NVL: variants seen among roughly 807,000 people sequenced by gnomAD.
The protein encoded by NVL is nuclear valosin-containing protein-like.
In NVL, 84 loss-of-function variants were observed where a neutral mutation model predicts 110.2. The ratio of observed to expected loss-of-function variants is 0.76; its 90% CI spans 0.64 to 0.91. The LOEUF (loss-of-function observed/expected upper bound fraction) is 0.91. NVL is among the 40% of genes least tolerant of loss of function. The pLI is 0.00. For synonymous variants in NVL, 354 were observed against 361.1 expected (o/e 0.98, Z 0.22); for missense variants, 882 against 1,035.9 (o/e 0.85, Z 2.04).
chr1:224,299,772 T>C (rs1668218874), intron 10 of NVL, among the ~76,000 whole-genome samples: 1 of 152,190 alleles, frequency 6.6e-6, no homozygotes, highest in Non-Finnish European at 1.5e-5. Context: ...GCCCACAGCT[T>C]TTTCAACGTC....
chr1:224,246,754 G>C (rs116083449), intron 19 of NVL, among the ~76,000 whole-genome samples: 123 of 152,262 alleles, frequency 8.1e-4, no homozygotes, highest in African/African-American at 2.4e-3. Flanking sequence ...GAGCCAAGAA[G>C]GCCGGGCATG....
chr1:224,250,441 T>C, intron 18 of NVL, 123 bp from the exon 19 acceptor site: 1 of 818,634 alleles, frequency 1.2e-6, no homozygotes, highest in South Asian at 2.6e-5. Flanking sequence ...CTCAGCTCAC[T>C]GCAGCCTCGA....
chr1:224,296,471 C>T (rs1667895383), intron 11 of NVL, 30 bp downstream of exon 11: 1 of 1,176,058 alleles, frequency 8.5e-7, no homozygotes, highest in African/African-American at 1.6e-5. Context: ...AATTTATTCT[C>T]TTAAAATGAA....
At chr1:224,303,928 T>C in intron 8 of NVL, 71 bp from the exon 9 acceptor site, 1 of 1,498,718 alleles carries the variant, frequency 6.7e-7, no homozygotes, top group Non-Finnish European at 8.9e-7. Flanking sequence ...GTCCTATTTT[T>C]CGGAGCAGTG....
In NVL at chr1:224,227,395, A is replaced by C. The variant is rs527912898; in HGVS notation, c.*231T>G. ...AAAAATGTAACAGTCATTTTATTTC[A>C]GCAGTTTAAAAATTGTCCTTTTTCT... is the stretch of plus-strand genomic sequence containing the variant. On this transcript the variant is annotated 3_prime_UTR_variant, in exon 23 of 23. Coordinates refer to ENST00000281701, the MANE Select transcript of NVL (RefSeq NM_002533.4). 2 of 335,348 alleles carry C rather than the reference A, an allele frequency of 6.0e-6. No homozygotes were observed. Among genetic ancestry groups the C allele is most frequent in the Non-Finnish European group, 1.1e-5 (2 of 180,060 alleles). 20.8% of individuals were successfully genotyped at this position (335,348 alleles called of 1,614,324 possible).
chr1:224,285,002 G>T lies in NVL; in HGVS notation c.1899+1024C>A, dbSNP rs549428445. Among the ~76,000 whole-genome samples the T allele has an allele frequency of 8.0e-4, 122 of 152,040 alleles. No individual in the cohort carries two copies. The Middle Eastern group carries it at 0.01, about 13-fold the overall frequency. On this transcript the variant is annotated intron_variant, in intron 15 of 22. Transcript: ENST00000281701. ...TTTAAAGTAGTGTTGTTTCAATATG[G>T]GATCATTTCCATAAATTATAGAACA...
chr1:224,304,692 T>G (rs749912507), intron 8 of NVL, 44 bp downstream of exon 8: 2 of 1,453,260 alleles, frequency 1.4e-6, no homozygotes, highest in Non-Finnish European at 9.7e-7. Flanking sequence ...CATAACTGAT[T>G]AGTAATATAT....
At chr1:224,230,011 T>C (rs2102686534) in intron 22 of NVL, among the ~76,000 whole-genome samples, 1 of 152,210 alleles carries the variant, frequency 6.6e-6, no homozygotes, top group East Asian at 1.9e-4. Context: ...TTTAATTTTT[T>C]TGTAGAGACA....
chr1:224,322,367 A>G (rs757299438), intron 2 of NVL, among the ~76,000 whole-genome samples: 1 of 151,522 alleles, frequency 6.6e-6, no homozygotes, highest in Non-Finnish European at 1.5e-5. Context: ...TACAGGTGTG[A>G]GCCACTGTGC....
chr1:224,260,488 C>T (rs987218203), intron 18 of NVL, among the ~76,000 whole-genome samples: 4 of 151,886 alleles, frequency 2.6e-5, no homozygotes, highest in African/African-American at 7.3e-5. Flanking sequence ...GATCTCCTAA[C>T]CTCGTGATGT....
chr1:224,244,450 A>C (rs771746100), intron 19 of NVL, among the ~76,000 whole-genome samples: 1 of 152,128 alleles, frequency 6.6e-6, no homozygotes, highest in Non-Finnish European at 1.5e-5. Flanking sequence ...ACCAAATAAA[A>C]AATATAAAAA....
intron 6 of NVL, chr1:224,305,442 T>C (rs1045108124): frequency 1.5e-5 from 4 of 265,022 alleles, no homozygotes; most frequent in Admixed American, 5.2e-5. Context: ...ATGGCCCCTG[T>C]GCAAGGATGA....
At chr1:224,315,364 T>G (rs1017414527) in intron 4 of NVL, among the ~76,000 whole-genome samples, 1 of 152,130 alleles carries the variant, frequency 6.6e-6, no homozygotes, top group African/African-American at 2.4e-5. Flanking sequence ...ATGTAATTCA[T>G]CAAATTAATA....
intron 17 of NVL, among the ~76,000 whole-genome samples, chr1:224,269,340 C>T (rs1221132827): frequency 6.6e-6 from 1 of 152,184 alleles, no homozygotes; most frequent in Non-Finnish European, 1.5e-5. Flanking sequence ...CCTGCCTTGG[C>T]CTCCCAAAGT....
At chr1:224,257,012 C>G in intron 18 of NVL, 1 of 512,698 alleles carries the variant, frequency 2.0e-6, no homozygotes, top group Non-Finnish European at 4.1e-6. Context: ...GGTTCCCTAT[C>G]TAATTATGTC....
chr1:224,289,248 C>A, intron 13 of NVL: 1 of 463,324 alleles, frequency 2.2e-6, no homozygotes, highest in East Asian at 3.8e-5. Flanking sequence ...TCTGCCAACC[C>A]CATTCCAGAA....
At chr1:224,294,488 G>A in intron 11 of NVL, 77 bp from the exon 12 acceptor site, 6 of 1,460,514 alleles carry the variant, frequency 4.1e-6, no homozygotes, top group South Asian at 1.2e-5. Flanking sequence ...ATCATTTCAT[G>A]GTTAAAGATA....
chr1:224,294,073 T>A (rs1037570172), intron 12 of NVL, among the ~76,000 whole-genome samples, 194 bp downstream of exon 12: 2 of 152,232 alleles, frequency 1.3e-5, no homozygotes, highest in Non-Finnish European at 2.9e-5. Flanking sequence ...GTGTTGGGAT[T>A]ACAGGCATGA....
At chr1:224,230,353 C>T (rs1293145980) in intron 22 of NVL, among the ~76,000 whole-genome samples, 1 of 152,076 alleles carries the variant, frequency 6.6e-6, no homozygotes, top group Non-Finnish European at 1.5e-5. Context: ...GCCTGTAATC[C>T]CAGCACTTTG....
Sources: gnomAD v4.1 joint callset for allele counts (sites outside exome capture counted in the v4.1 genomes callset) on GRCh38, gnomAD v4.1.1 for gene constraint, MANE v1.5 for transcripts, NCBI Gene and HGNC (gene_info 2026-07-23, HGNC 2026-07-21) for gene names.